Variants in ATXN7 observed in about 807,000 individuals in gnomAD.
The protein encoded by ATXN7 is ataxin 7, also known as ataxin-7.
A neutral mutation model predicts 70.5 loss-of-function variants in ATXN7; 12 were observed. The observed-to-expected ratio is 0.17, with a 90% CI of 0.11 to 0.28. The LOEUF (loss-of-function observed/expected upper bound fraction) is 0.28, where lower values mean the gene tolerates loss of function less well. ATXN7 is among the 10% of genes least tolerant of loss of function. The pLI is 1.00. For missense variants in ATXN7, 1,256 were observed against 1,131.7 expected (o/e 1.11, Z -1.58); for synonymous variants, 498 against 448.7 (o/e 1.11, Z -1.39).
At chr3:63,949,631 C>T (rs2074921626) in intron 4 of ATXN7, among the ~76,000 whole-genome samples, 1 of 152,134 alleles carries the variant, frequency 6.6e-6, no homozygotes, top group African/African-American at 2.4e-5. Context: ...CTCCTGACCT[C>T]GGGTAATCCG....
At chr3:63,990,486 G>T in intron 10 of ATXN7, 112 bp downstream of exon 10, 1 of 1,373,828 alleles carries the variant, frequency 7.3e-7, no homozygotes, top group Non-Finnish European at 1.0e-6. Context: ...ACGCGGTCAA[G>T]GTGTGAGAGA....
chr3:63,892,410 A>ACC (rs1491579947), intron 1 of ATXN7, among the ~76,000 whole-genome samples: 2 of 81,164 alleles, frequency 2.5e-5, no homozygotes, highest in South Asian at 8.1e-4. Context: ...ACACACACAC[A>ACC]CCCGCCAACT....
chr3:63,923,408 CA>C (rs147281827), intron 4 of ATXN7, among the ~76,000 whole-genome samples: 18,909 of 152,072 alleles, frequency 0.12, 1,275 homozygotes, highest in Middle Eastern at 0.16. Flanking sequence ...GCTGTGAAGT[CA>C]AAAGTAGGGT....
chr3:63,918,477 T>G (rs1468124940), intron 4 of ATXN7, among the ~76,000 whole-genome samples: 12 of 152,230 alleles, frequency 7.9e-5, no homozygotes, highest in Non-Finnish European at 8.8e-5. Flanking sequence ...GAGAAAATAT[T>G]TTAATGATCC....
At position 64,001,146 on chromosome 3, in the gene ATXN7, T is replaced by C. The variant is rs1013591653; in HGVS notation, c.*1679T>C. ...TTGGTTACCAGCCTAATAATGTGAATTGCTACAGAATTATTCTTATTATGT... is the reference window on the plus strand; with the variant it reads ...TTGGTTACCAGCCTAATAATGTGAACTGCTACAGAATTATTCTTATTATGT... On this transcript the variant is annotated 3_prime_UTR_variant, in exon 13 of 13. Coordinates refer to ENST00000674280, the MANE Select transcript of ATXN7 (RefSeq NM_001377405.1). 6.6e-6 allele frequency: 1 copy of C among 152,154 alleles called. No homozygotes were observed. Among genetic ancestry groups the C allele is most frequent in the African/African-American group, 2.4e-5 (1 of 41,438 alleles). 9.4% of individuals were successfully genotyped at this position (152,154 alleles called of 1,614,324 possible). A position where few individuals can be genotyped will look rare whatever the true frequency, so the allele number is the denominator to read the frequency against.
intron 12 of ATXN7, chr3:63,998,587 T>TGA: frequency 1.0e-6 from 1 of 985,398 alleles, no homozygotes; most frequent in Non-Finnish European, 1.2e-6. Flanking sequence ...AGTTTGTGTT[T>TGA]GAGAGAGATT....
chr3:63,877,554 C>G (rs1702783320), intron 1 of ATXN7, among the ~76,000 whole-genome samples: 1 of 152,220 alleles, frequency 6.6e-6, no homozygotes. Context: ...TGATTTGCAG[C>G]AGAGCATCTT....
At chr3:63,995,397 T>A in intron 11 of ATXN7, 108 bp from the exon 12 acceptor site, 1 of 1,249,150 alleles carries the variant, frequency 8.0e-7, no homozygotes, top group Admixed American at 2.0e-5. Flanking sequence ...AGTGATTGCT[T>A]TGATGTGGAT....
intron 5 of ATXN7, among the ~76,000 whole-genome samples, chr3:63,959,069 A>G (rs1390196085): frequency 6.6e-6 from 1 of 152,250 alleles, no homozygotes; most frequent in Non-Finnish European, 1.5e-5. Context: ...AGTAATTCAA[A>G]GATATAATGA....
intron 4 of ATXN7, among the ~76,000 whole-genome samples, chr3:63,934,892 C>A (rs1420487136): frequency 6.6e-6 from 1 of 152,170 alleles, no homozygotes; most frequent in African/African-American, 2.4e-5. Flanking sequence ...TGTAGGATTA[C>A]AGTAGTTAAT....
chr3:63,900,307 G>T (rs576087226), intron 2 of ATXN7, among the ~76,000 whole-genome samples: 3 of 152,256 alleles, frequency 2.0e-5, no homozygotes, highest in African/African-American at 7.2e-5. Context: ...TAGCAAAAAT[G>T]GTAGCATTTC....
intron 5 of ATXN7, among the ~76,000 whole-genome samples, chr3:63,962,152 C>T (rs539996164): frequency 5.9e-5 from 9 of 152,232 alleles, no homozygotes; most frequent in African/African-American, 2.2e-4. Context: ...TCCCTCATCC[C>T]ACATTTTGTA....
At position 63,912,806 on chromosome 3, in the gene ATXN7, A is replaced by G; in HGVS notation, c.208A>G (p.Thr70Ala). The G allele has an allele frequency of 6.4e-7, 1 of 1,563,678 alleles. No individual in the cohort carries two copies. Among genetic ancestry groups the G allele is most frequent in the Non-Finnish European group, 8.6e-7 (1 of 1,158,220 alleles). ...PEDGGPGAAS[T>A]SAAAMATVGE... ...GGACGGCGGGCCCGGCGCCGCCTCC[A>G]CCTCGGCCGCCGCAATGGCGACGGT... The change falls in exon 3 of 13, where the codon ACC (threonine) becomes GCC (alanine). Residue 70 changes from threonine to alanine, a missense_variant. By Grantham distance (58) the Thr-to-Ala change is moderately conservative. Transcript: ENST00000674280.
At chr3:63,956,344 G>A (rs1362852565) in intron 5 of ATXN7, among the ~76,000 whole-genome samples, 1 of 148,280 alleles carries the variant, frequency 6.7e-6, no homozygotes, top group Non-Finnish European at 1.5e-5. Context: ...TGGCGTGAAC[G>A]CTGGAGGTGG....
chr3:63,870,545 G>A (rs894022719), intron 1 of ATXN7, among the ~76,000 whole-genome samples: 9 of 152,230 alleles, frequency 5.9e-5, no homozygotes, highest in Admixed American at 5.2e-4. Flanking sequence ...TTGTGTGGCC[G>A]CCTTAGCACA....
At chr3:63,971,037 G>A (rs144327247) in intron 5 of ATXN7, among the ~76,000 whole-genome samples, 2 of 152,172 alleles carry the variant, frequency 1.3e-5, no homozygotes, top group South Asian at 2.1e-4. Context: ...AAGCACCTCC[G>A]CATTAGGGGG....
chr3:63,958,588 G>A (rs1013049494), intron 5 of ATXN7, among the ~76,000 whole-genome samples: 3 of 152,226 alleles, frequency 2.0e-5, no homozygotes, highest in East Asian at 1.9e-4. Flanking sequence ...CTTAGACCTG[G>A]AAAGTAACAG....
At chr3:63,941,817 T>C (rs1391270872) in intron 4 of ATXN7, among the ~76,000 whole-genome samples, 4 of 152,264 alleles carry the variant, frequency 2.6e-5, no homozygotes, top group East Asian at 3.9e-4. Flanking sequence ...TTATGGAAGG[T>C]GGAAATAAAA....
At chr3:63,900,982 G>C (rs1703617600) in intron 2 of ATXN7, 1 of 152,218 alleles carries the variant, frequency 6.6e-6, no homozygotes. Flanking sequence ...CTCAGCAGCA[G>C]ATTGTAGGCC....
Sources: gnomAD v4.1 joint callset for allele counts (sites outside exome capture counted in the v4.1 genomes callset) on GRCh38, gnomAD v4.1.1 for gene constraint, MANE v1.5 for transcripts, NCBI Gene and HGNC (gene_info 2026-07-23, HGNC 2026-07-21) for gene names.